The following FANCC variants were observed in gnomAD, a reference collection of about 807,000 sequenced individuals.
The protein encoded by FANCC is Fanconi anemia group C protein.
A neutral mutation model predicts 71.3 loss-of-function variants in FANCC; 55 were observed. That is an observed-to-expected ratio of 0.77 (90% CI 0.62 to 0.97). FANCC has a LOEUF of 0.97. FANCC is among the 50% of genes least tolerant of loss of function. FANCC has a pLI of 0.00. For missense variants in FANCC, 678 were observed against 670.9 expected (o/e 1.01, Z -0.12); for synonymous variants, 275 against 244.9 (o/e 1.12, Z -1.15).
At chr9:95,171,851 C>T (rs778037179) in intron 5 of FANCC, among the ~76,000 whole-genome samples, 186 bp downstream of exon 5, 1 of 152,302 alleles carries the variant, frequency 6.6e-6, no homozygotes, top group East Asian at 1.9e-4. Flanking sequence ...TGGTTTCCTT[C>T]TTTCTCATAA....
At chr9:95,259,269 C>T (rs569988509) in intron 1 of FANCC, among the ~76,000 whole-genome samples, 2 of 152,246 alleles carry the variant, frequency 1.3e-5, no homozygotes, top group Non-Finnish European at 2.9e-5. Flanking sequence ...GTGGAGACAT[C>T]GCACTACCTG....
chr9:95,282,339 T>C (rs1588412387), intron 1 of FANCC, among the ~76,000 whole-genome samples: 1 of 152,090 alleles, frequency 6.6e-6, no homozygotes, highest in East Asian at 1.9e-4. Context: ...GATAATGGGG[T>C]TGGTCAATTC....
At chr9:95,285,268 T>A (rs892669363) in intron 1 of FANCC, among the ~76,000 whole-genome samples, 6 of 152,042 alleles carry the variant, frequency 3.9e-5, no homozygotes, top group East Asian at 1.9e-4. Flanking sequence ...GATAATATTA[T>A]AAATTATTAT....
intron 4 of FANCC, among the ~76,000 whole-genome samples, chr9:95,236,239 C>T (rs1334889168): frequency 6.6e-6 from 1 of 152,090 alleles, no homozygotes; most frequent in Non-Finnish European, 1.5e-5. Flanking sequence ...TTACATTTGG[C>T]AGGCCCTGGA....
intron 1 of FANCC, among the ~76,000 whole-genome samples, chr9:95,267,965 G>A (rs779405756): frequency 5.9e-5 from 9 of 152,180 alleles, no homozygotes; most frequent in Admixed American, 2.0e-4. Flanking sequence ...ATCTGCAGCA[G>A]CACAGCTCAG....
At chr9:95,124,970 C>G in intron 10 of FANCC, 116 bp downstream of exon 10, 1 of 888,740 alleles carries the variant, frequency 1.1e-6, no homozygotes, top group Admixed American at 2.0e-5. Context: ...AGGAACCTTT[C>G]TTTGTGAGCA....
At chr9:95,236,666 T>C (rs1185518524) in intron 4 of FANCC, among the ~76,000 whole-genome samples, 1 of 152,246 alleles carries the variant, frequency 6.6e-6, no homozygotes, top group Non-Finnish European at 1.5e-5. Flanking sequence ...TGTAATTTAC[T>C]GTAGAAATTC....
intron 1 of FANCC, among the ~76,000 whole-genome samples, chr9:95,297,803 A>C (rs748380637): frequency 3.7e-4 from 57 of 152,316 alleles, no homozygotes; most frequent in Non-Finnish European, 7.8e-4. Context: ...AAATGTCACA[A>C]TAAAATTTCT....
chr9:95,160,549 T>C (rs1830683016), intron 6 of FANCC, among the ~76,000 whole-genome samples: 1 of 152,244 alleles, frequency 6.6e-6, no homozygotes, highest in African/African-American at 2.4e-5. Flanking sequence ...AAGTAGTTTT[T>C]TCCAATTCTG....
intron 4 of FANCC, among the ~76,000 whole-genome samples, chr9:95,191,058 G>A (rs1827064609): frequency 1.3e-5 from 2 of 152,104 alleles, no homozygotes; most frequent in South Asian, 2.1e-4. Context: ...ATGAAGGGCT[G>A]GACTCCAGTC....
At chr9:95,162,553 C>G (rs1391520131) in intron 6 of FANCC, among the ~76,000 whole-genome samples, 2 of 152,186 alleles carry the variant, frequency 1.3e-5, no homozygotes, top group Non-Finnish European at 2.9e-5. Context: ...AGTGACTGCA[C>G]TAGTTTAACA....
chr9:95,237,258 G>A (rs1373880833), intron 4 of FANCC, among the ~76,000 whole-genome samples: 1 of 152,166 alleles, frequency 6.6e-6, no homozygotes, highest in East Asian at 1.9e-4. Flanking sequence ...TGTAAAGCAT[G>A]TTTGGGACTT....
At chr9:95,296,878 G>A (rs1447917088) in intron 1 of FANCC, among the ~76,000 whole-genome samples, 1 of 152,172 alleles carries the variant, frequency 6.6e-6, no homozygotes, top group Non-Finnish European at 1.5e-5. Flanking sequence ...GGCAACTCAT[G>A]GCTTTTATAT....
chr9:95,187,178 A>G (rs1209395985), intron 4 of FANCC, among the ~76,000 whole-genome samples: 1 of 152,216 alleles, frequency 6.6e-6, no homozygotes, highest in East Asian at 1.9e-4. Context: ...AGTGAGGCAC[A>G]TGCACGGGAA....
chr9:95,236,893 C>T (rs1369903906), intron 4 of FANCC, among the ~76,000 whole-genome samples: 1 of 152,170 alleles, frequency 6.6e-6, no homozygotes, highest in Non-Finnish European at 1.5e-5. Flanking sequence ...TACTATGTCA[C>T]TCTAAAACCT....
At chr9:95,243,764 A>AGCCTGGGTGAAAGAGCGAGAC (rs1319996296) in intron 3 of FANCC, among the ~76,000 whole-genome samples, 2 of 152,244 alleles carry the variant, frequency 1.3e-5, no homozygotes, top group Non-Finnish European at 2.9e-5. Context: ...ACTGCACTCC[A>AGCCTGGGTGAAAGAGCGAGAC]GCCTGGGTGA....
At chr9:95,104,793 T>C (rs921669870) in intron 14 of FANCC, among the ~76,000 whole-genome samples, 1 of 152,022 alleles carries the variant, frequency 6.6e-6, no homozygotes, top group African/African-American at 2.4e-5. Context: ...GGCCACAGGG[T>C]TGGGGAGGAA....
chr9:95,137,302 C>A (rs901059716), intron 7 of FANCC, among the ~76,000 whole-genome samples: 1 of 152,032 alleles, frequency 6.6e-6, no homozygotes, highest in Non-Finnish European at 1.5e-5. Flanking sequence ...CCAGGGTTGA[C>A]CGTGGGGCAA....
Position 95,163,903 on chromosome 9 carries a change from A to C in FANCC, c.521+7176T>G, listed in dbSNP as rs182182789. ...CCAAAAAAACCATACCCATCTATGA[A>C]CATGGGATATCTTTTTATTTATTTA... On this transcript the variant is annotated intron_variant, in intron 6 of 14. Transcript: ENST00000289081. 7.4e-3 allele frequency among the ~76,000 whole-genome samples: 1,132 copies of C among 152,318 alleles called. 9 individuals are homozygous for C. Among genetic ancestry groups the C allele is most frequent in the Non-Finnish European group, 0.01 (702 of 68,016 alleles).
Sources: gnomAD v4.1 joint callset for allele counts (sites outside exome capture counted in the v4.1 genomes callset) on GRCh38, gnomAD v4.1.1 for gene constraint, MANE v1.5 for transcripts, NCBI Gene and HGNC (gene_info 2026-07-23, HGNC 2026-07-21) for gene names.